The following TUBD1 variants were observed in gnomAD, a reference collection of about 807,000 sequenced individuals.
TUBD1 encodes tubulin delta 1.
In TUBD1, 38 loss-of-function variants were observed where a neutral mutation model predicts 51.2. That is an observed-to-expected ratio of 0.74 (90% CI 0.57 to 0.97). The LOEUF (loss-of-function observed/expected upper bound fraction) is 0.97, where lower values mean the gene tolerates loss of function less well. TUBD1 is among the 50% of genes least tolerant of loss of function. The pLI, the probability that TUBD1 is intolerant of heterozygous loss-of-function variation, is 0.00. For missense variants in TUBD1, 489 were observed against 538.4 expected (o/e 0.91, Z 0.91); for synonymous variants, 169 against 178.2 (o/e 0.95, Z 0.41).
At chr17:59,867,819 C>T (rs185348021) in intron 6 of TUBD1, among the ~76,000 whole-genome samples, 17 of 152,048 alleles carry the variant, frequency 1.1e-4, no homozygotes, top group Admixed American at 1.1e-3. Context: ...TTAGGGACAG[C>T]GCAGAGAACA....
At chr17:59,861,646 T>C (rs1169245552) in intron 8 of TUBD1, among the ~76,000 whole-genome samples, 1 of 151,994 alleles carries the variant, frequency 6.6e-6, no homozygotes, top group Non-Finnish European at 1.5e-5. Flanking sequence ...TTCATGGCCC[T>C]GTGGAGTGGG....
intron 3 of TUBD1, among the ~76,000 whole-genome samples, chr17:59,882,790 T>C (rs1012200891): frequency 2.9e-5 from 4 of 140,016 alleles, no homozygotes; most frequent in African/African-American, 1.1e-4. Context: ...AATTTCTTTC[T>C]TTTTTTTTTT....
intron 1 of TUBD1, among the ~76,000 whole-genome samples, 177 bp downstream of exon 1, chr17:59,892,520 C>T (rs2041159750): frequency 6.6e-6 from 1 of 152,184 alleles, no homozygotes; most frequent in Admixed American, 6.5e-5. Flanking sequence ...AGACTCTGTG[C>T]TTAAAATGTC....
At chr17:59,885,436 G>A (rs1055110828) in intron 3 of TUBD1, 4 of 1,342,338 alleles carry the variant, frequency 3.0e-6, no homozygotes, top group Non-Finnish European at 4.3e-6. Flanking sequence ...CTGGGTGGGG[G>A]ATATGTACCC....
chr17:59,877,446 TA>T (rs1463161833), intron 5 of TUBD1, among the ~76,000 whole-genome samples: 3 of 152,222 alleles, frequency 2.0e-5, no homozygotes, highest in Non-Finnish European at 4.4e-5. Context: ...CTTATGCTTT[TA>T]AAAACTGCAA....
Position 59,892,722 on chromosome 17 carries a change from T to C in TUBD1, c.-65A>G, listed in dbSNP as rs745780593. 10 of 159,724 alleles carry C rather than the reference T, an allele frequency of 6.3e-5. No individual in the cohort carries two copies. Among genetic ancestry groups the C allele is most frequent in the Non-Finnish European group, 1.3e-4 (9 of 71,628 alleles). 9.9% of individuals were successfully genotyped at this position (159,724 alleles called of 1,614,324 possible). On this transcript the variant is annotated 5_prime_UTR_variant, in exon 1 of 9. Transcript: ENST00000325752. ...CGCCAGACGCCGACCAGCGCTTCTGTCCGGTTCAAACTTCGGACCAACCTA... is the reference window on the plus strand; with the variant it reads ...CGCCAGACGCCGACCAGCGCTTCTGCCCGGTTCAAACTTCGGACCAACCTA...
Position 59,878,189 on chromosome 17 carries a change from T to C in TUBD1, c.683A>G (p.Asn228Ser). The C allele has an allele frequency of 6.2e-7, 1 of 1,614,176 alleles. No individual in the cohort carries two copies. The highest frequency in any genetic ancestry group is 8.5e-7 in the Non-Finnish European group (1 of 1,180,034). Residue 228 changes from asparagine to serine, a missense_variant, in exon 5 of 9, where the codon AAT becomes AGT. Coordinates refer to ENST00000325752, the MANE Select transcript of TUBD1 (RefSeq NM_016261.4). ...NIKQISFSDI[N>S]QVLAHQLGSV... is the part of the protein sequence containing the mutation. ...TCCCAGCTGATGTGCGAGGACTTGA[T>C]TGATATCACTAAAGGAGATCTGCTT...
chr17:59,866,382 G>C (rs531730277), intron 7 of TUBD1, among the ~76,000 whole-genome samples: 3 of 151,932 alleles, frequency 2.0e-5, no homozygotes, highest in African/African-American at 7.2e-5. Context: ...CTACATGCGT[G>C]TGCTACCACA....
chr17:59,876,231 T>C (rs987393949), intron 5 of TUBD1, among the ~76,000 whole-genome samples: 14 of 151,998 alleles, frequency 9.2e-5, no homozygotes, highest in African/African-American at 2.7e-4. Flanking sequence ...TCCAAACTGG[T>C]GTGCAGTGGC....
At chr17:59,876,788 G>A (rs138238966) in intron 5 of TUBD1, among the ~76,000 whole-genome samples, 12 of 152,090 alleles carry the variant, frequency 7.9e-5, no homozygotes, top group African/African-American at 2.2e-4. Flanking sequence ...CATGGTGCCC[G>A]GCCAATGCAT....
At chr17:59,880,509 ATT>A (rs1484632493) in intron 4 of TUBD1, among the ~76,000 whole-genome samples, 11 of 152,020 alleles carry the variant, frequency 7.2e-5, no homozygotes, top group African/African-American at 2.7e-4. Context: ...CACAATCTTT[ATT>A]TTTATTTATT....
chr17:59,892,379 T>C (rs1231253078), intron 1 of TUBD1, among the ~76,000 whole-genome samples: 3 of 152,122 alleles, frequency 2.0e-5, no homozygotes, highest in East Asian at 3.8e-4. Context: ...CTGTCTCCAT[T>C]TGAAAAAGAA....
Position 59,874,624 on chromosome 17 carries a change from A to T in TUBD1, c.849T>A (p.Asn283Lys). ...AAGTAAATGTGGTGTATGCCAATGAATTCTCAGACATGTGAGGAATGTTAC... is the reference window on the plus strand; with the variant it reads ...AAGTAAATGTGGTGTATGCCAATGATTTCTCAGACATGTGAGGAATGTTAC... ...SVRNIPHMSE[N>K]SLAYTTFTWA... The change falls in exon 6 of 9, where the codon AAT (asparagine) becomes AAA (lysine). Residue 283 changes from asparagine to lysine, a missense_variant. Coordinates refer to ENST00000325752, the MANE Select transcript of TUBD1 (RefSeq NM_016261.4). 6.2e-7 allele frequency: 1 copy of T among 1,613,876 alleles called. No homozygotes were observed. Among genetic ancestry groups the T allele is most frequent in the Non-Finnish European group, 8.5e-7 (1 of 1,179,942 alleles).
rs745505909 is a variant in TUBD1 at position 59,863,789 on chromosome 17, G to A, written c.1134C>T (p.Asn378=). The change falls in exon 8 of 9, where the codon AAC becomes AAT. Residue 378 remains asparagine (N), a synonymous_variant. Coordinates refer to ENST00000325752, the MANE Select transcript of TUBD1 (RefSeq NM_016261.4). The part of the protein sequence containing the change: ...TSWLKPVNAF[N]VWKTQRAFSK... ...TAAAGGCCCGCTGGGTTTTCCACACGTTGAAAGCATTAACAGGCTTCAACC... is the reference window on the plus strand; with the variant it reads ...TAAAGGCCCGCTGGGTTTTCCACACATTGAAAGCATTAACAGGCTTCAACC... 12 of 1,609,018 alleles carry A rather than the reference G, an allele frequency of 7.5e-6. No individual in the cohort carries two copies. The highest frequency in any genetic ancestry group is 5.1e-5 in the Admixed American group (3 of 58,882).
chr17:59,874,827 A>G, intron 5 of TUBD1, 124 bp from the exon 6 acceptor site: 1 of 714,696 alleles, frequency 1.4e-6, no homozygotes, highest in Non-Finnish European at 2.3e-6. Context: ...GACCAGAATT[A>G]TTTAATCTTT....
At chr17:59,872,469 T>C (rs2040025544) in intron 6 of TUBD1, among the ~76,000 whole-genome samples, 7 of 152,040 alleles carry the variant, frequency 4.6e-5, no homozygotes, top group Admixed American at 4.6e-4. Flanking sequence ...TGAATAAATA[T>C]AATGATTAAC....
intron 2 of TUBD1, chr17:59,886,443 G>T: frequency 1.9e-6 from 1 of 518,522 alleles, no homozygotes; most frequent in East Asian, 3.5e-5. Context: ...TGCTAAGCAG[G>T]CTGAATCAGT....
chr17:59,886,414 G>A lies in TUBD1; in HGVS notation c.173-184C>T, dbSNP rs1344591396. On this transcript the variant is annotated intron_variant, in intron 2 of 8. Transcript: ENST00000325752. ...TGGGCAGCAGCAGGCATATGCAGAT[G>A]TTCACCAAGCCCAGCATTTGCTAAG... 8 of 591,524 alleles carry A rather than the reference G, an allele frequency of 1.4e-5. No individual in the cohort carries two copies. The East Asian group carries it at 2.1e-4, about 16-fold the overall frequency. 36.6% of individuals were successfully genotyped at this position (591,524 alleles called of 1,614,324 possible).
intron 3 of TUBD1, chr17:59,885,483 C>T: frequency 6.3e-7 from 1 of 1,576,256 alleles, no homozygotes; most frequent in Non-Finnish European, 8.7e-7. Context: ...AGTATCCTTA[C>T]AATAATCTGT....
Sources: allele counts gnomAD v4.1 joint callset (sites outside exome capture counted in the v4.1 genomes callset), GRCh38; gene constraint gnomAD v4.1.1; transcripts MANE v1.5; gene names NCBI Gene and HGNC (gene_info 2026-07-23, HGNC 2026-07-21).